The following C12orf75 variants were observed in gnomAD, a reference collection of about 807,000 sequenced individuals.
C12orf75 encodes overexpressed in colon carcinoma 1 protein.
Under a neutral mutation model 11.4 loss-of-function variants are expected in C12orf75, and 4 were observed. The ratio of observed to expected loss-of-function variants is 0.35; its 90% CI spans 0.17 to 0.80. C12orf75 has a LOEUF of 0.80. Ranked by LOEUF, C12orf75 falls within the 30% of genes least tolerant of loss-of-function variation. The probability of loss-of-function intolerance (pLI) is 0.52; values close to 1 mark genes in which losing one functional copy is unlikely to be tolerated. For synonymous variants in C12orf75, 30 were observed against 30.0 expected (o/e 1.00, Z 0.00); for missense variants, 89 against 80.4 (o/e 1.11, Z -0.41).
At chr12:105,363,118 A>G (rs988649097) in intron 2 of C12orf75, among the ~76,000 whole-genome samples, 1 of 152,364 alleles carries the variant, frequency 6.6e-6, no homozygotes, top group African/African-American at 2.4e-5. Flanking sequence ...TTGGTGCCAG[A>G]TGGATGGGGT....
At chr12:105,368,867 A>T (rs1871555775) in intron 5 of C12orf75, among the ~76,000 whole-genome samples, 1 of 152,198 alleles carries the variant, frequency 6.6e-6, no homozygotes, top group Non-Finnish European at 1.5e-5. Context: ...AACAGAGGGT[A>T]TTCGGTTTCT....
In C12orf75 at chr12:105,357,247, G is replaced by A. The variant is rs1408864393; in HGVS notation, c.72-8560G>A. Among the ~76,000 whole-genome samples, 3 of 152,248 alleles carry A rather than the reference G, an allele frequency of 2.0e-5. No homozygotes were observed. In the South Asian group the frequency reaches 6.2e-4, roughly 31 times the overall value. ...TAAGAAGAGCACCTGGCTGGTTTTAGTAAGTTCACAGGAAGTGAGCTAGAA... is the reference window on the plus strand; with the variant it reads ...TAAGAAGAGCACCTGGCTGGTTTTAATAAGTTCACAGGAAGTGAGCTAGAA... On this transcript the variant is annotated intron_variant, in intron 2 of 5. Coordinates refer to ENST00000443585, the MANE Select transcript of C12orf75 (RefSeq NM_001145199.2).
chr12:105,340,459 G>A lies in C12orf75; in HGVS notation c.47-8143G>A, dbSNP rs1592877237. On this transcript the variant is annotated intron_variant, in intron 1 of 5. Coordinates refer to ENST00000443585, the MANE Select transcript of C12orf75 (RefSeq NM_001145199.2). The stretch of plus-strand genomic sequence containing the variant: ...AAAAAAAAAAAAAAAAATTTACTCA[G>A]TGCAGTATCTTGTAGCTGGCTTGTG... 3.3e-5 allele frequency among the ~76,000 whole-genome samples: 5 copies of A among 150,328 alleles called. 1 individual carries two copies. The highest frequency in any genetic ancestry group is 9.8e-5 in the African/African-American group (4 of 40,786).
At chr12:105,346,161 A>C (rs1038228910) in intron 1 of C12orf75, among the ~76,000 whole-genome samples, 9 of 151,284 alleles carry the variant, frequency 5.9e-5, no homozygotes, top group Non-Finnish European at 1.3e-4. Flanking sequence ...ACAACCCCCC[A>C]CACCCCCACC....
intron 2 of C12orf75, among the ~76,000 whole-genome samples, chr12:105,349,271 C>T (rs528820458): frequency 6.6e-6 from 1 of 152,264 alleles, no homozygotes; most frequent in East Asian, 1.9e-4. Flanking sequence ...TTTCTGGTTA[C>T]CCAGTGAAGG....
At chr12:105,338,106 T>A (rs903029749) in intron 1 of C12orf75, among the ~76,000 whole-genome samples, 1 of 152,242 alleles carries the variant, frequency 6.6e-6, no homozygotes, top group Non-Finnish European at 1.5e-5. Flanking sequence ...TAAATTTTAT[T>A]ATATCAGCTA....
intron 1 of C12orf75, among the ~76,000 whole-genome samples, chr12:105,348,257 A>G (rs1892663101): frequency 6.6e-6 from 1 of 152,096 alleles, no homozygotes; most frequent in Admixed American, 6.5e-5. Context: ...TCAAGAAAAA[A>G]TACAAAAATT....
At chr12:105,342,259 A>G (rs550873146) in intron 1 of C12orf75, among the ~76,000 whole-genome samples, 7 of 152,322 alleles carry the variant, frequency 4.6e-5, no homozygotes, top group South Asian at 2.1e-4. Context: ...AATGTGTTTA[A>G]TCATAAATAA....
chr12:105,345,222 C>G (rs1892623279), intron 1 of C12orf75, among the ~76,000 whole-genome samples: 1 of 152,130 alleles, frequency 6.6e-6, no homozygotes, highest in Non-Finnish European at 1.5e-5. Context: ...GGTGTGGTGG[C>G]TCATGTCTGT....
chr12:105,367,363 A>G (rs1871504241), intron 4 of C12orf75, 109 bp from the exon 5 acceptor site: 2 of 425,088 alleles, frequency 4.7e-6, no homozygotes, highest in Non-Finnish European at 8.9e-6. Flanking sequence ...GTACTTTGTG[A>G]TTTAGACTAG....
intron 1 of C12orf75, among the ~76,000 whole-genome samples, chr12:105,345,735 C>G (rs1410797257): frequency 7.7e-6 from 1 of 130,092 alleles, no homozygotes; most frequent in African/African-American, 2.9e-5. Context: ...AATCTCAACT[C>G]AATGCAACCT....
At chr12:105,357,908 G>A (rs960808376) in intron 2 of C12orf75, among the ~76,000 whole-genome samples, 3 of 151,912 alleles carry the variant, frequency 2.0e-5, no homozygotes, top group Non-Finnish European at 4.4e-5. Context: ...GCAGTGGTGC[G>A]ATCATGACTC....
intron 1 of C12orf75, among the ~76,000 whole-genome samples, chr12:105,345,943 C>T (rs533895980): frequency 1.3e-5 from 2 of 152,140 alleles, no homozygotes; most frequent in East Asian, 3.9e-4. Context: ...GAATTACAGG[C>T]GTGAGCCACC....
chr12:105,370,254 C>G (rs1277845283), intron 5 of C12orf75, among the ~76,000 whole-genome samples: 2 of 152,096 alleles, frequency 1.3e-5, no homozygotes. Flanking sequence ...GGGGGAGTGC[C>G]ATGTAATGTG....
chr12:105,356,658 A>G (rs192037105), intron 2 of C12orf75, among the ~76,000 whole-genome samples: 76 of 152,264 alleles, frequency 5.0e-4, no homozygotes, highest in African/African-American at 1.7e-3. Context: ...GCTGGCTGCT[A>G]TCTCATATTT....
intron 2 of C12orf75, among the ~76,000 whole-genome samples, chr12:105,357,807 T>TGTGTGTGTGTGTGAGA (rs1491090986): frequency 2.4e-5 from 3 of 122,892 alleles, no homozygotes; most frequent in Admixed American, 8.5e-5. Context: ...TGTGTGTGTG[T>TGTGTGTGTGTGTGAGA]GAGAGAGAGA....
At chr12:105,365,550 T>C (rs917850148) in intron 2 of C12orf75, among the ~76,000 whole-genome samples, 4 of 152,220 alleles carry the variant, frequency 2.6e-5, no homozygotes, top group Admixed American at 2.6e-4. Flanking sequence ...TTGGCAGTTG[T>C]GCATTTTGGC....
chr12:105,333,918 A>G (rs1179311179), intron 1 of C12orf75, among the ~76,000 whole-genome samples: 1 of 152,170 alleles, frequency 6.6e-6, no homozygotes, highest in Non-Finnish European at 1.5e-5. Flanking sequence ...TTACTTTTTG[A>G]GTTACTCAGG....
At position 105,362,908 on chromosome 12, in the gene C12orf75, T is replaced by A. The variant is rs116934661; in HGVS notation, c.72-2899T>A. ...ATAAGGATTAAATGAACTAATATAA[T>A]AGGATTAGCAAAGTGCCTAGTATAG... On this transcript the variant is annotated intron_variant, in intron 2 of 5. Coordinates refer to ENST00000443585, the MANE Select transcript of C12orf75 (RefSeq NM_001145199.2). 7.1e-4 allele frequency among the ~76,000 whole-genome samples: 108 copies of A among 152,314 alleles called. 1 individual carries two copies. The East Asian group carries it at 0.02, about 29-fold the overall frequency.
Sources: gnomAD v4.1 joint callset for allele counts (sites outside exome capture counted in the v4.1 genomes callset) on GRCh38, gnomAD v4.1.1 for gene constraint, MANE v1.5 for transcripts, NCBI Gene and HGNC (gene_info 2026-07-23, HGNC 2026-07-21) for gene names.